PFKFB4: variants seen among roughly 807,000 people sequenced by gnomAD.
The protein encoded by PFKFB4 is 6-phosphofructo-2-kinase/fructose-2,6-bisphosphatase 4.
Under a neutral mutation model 62.8 loss-of-function variants are expected in PFKFB4, and 42 were observed. The observed-to-expected ratio is 0.67, with a 90% CI of 0.52 to 0.86. The LOEUF (loss-of-function observed/expected upper bound fraction) is 0.86, where lower values mean the gene tolerates loss of function less well. Among genes scored for constraint, PFKFB4 ranks in the 40% least tolerant of loss-of-function variants. The probability of loss-of-function intolerance (pLI) is 0.00; values close to 1 mark genes in which losing one functional copy is unlikely to be tolerated. For synonymous variants in PFKFB4, 204 were observed against 240.7 expected, an observed-to-expected ratio of 0.85 and a Z score of 1.41; for missense variants, 475 against 627.2, an observed-to-expected ratio of 0.76 and a Z score of 2.59.
At chr3:48,525,138 C>T (rs2042217035) in intron 10 of PFKFB4, among the ~76,000 whole-genome samples, 1 of 152,166 alleles carries the variant, frequency 6.6e-6, no homozygotes, top group Admixed American at 6.5e-5. Context: ...ATTTGAGCGC[C>T]CCGGAAAGGG....
At chr3:48,520,378 A>G (rs1014314038) in intron 13 of PFKFB4, among the ~76,000 whole-genome samples, 1 of 152,110 alleles carries the variant, frequency 6.6e-6, no homozygotes, top group African/African-American at 2.4e-5. Flanking sequence ...GGGCTCAGGG[A>G]GTCTCAGGCC....
intron 1 of PFKFB4, among the ~76,000 whole-genome samples, chr3:48,552,406 T>C (rs1181193201): frequency 6.6e-6 from 1 of 152,196 alleles, no homozygotes; most frequent in Non-Finnish European, 1.5e-5. Context: ...ATTCCCCTTG[T>C]TTAAAGGTGA....
chr3:48,531,630 TTTTTTTTTTAA>T (rs1560158280), intron 9 of PFKFB4, among the ~76,000 whole-genome samples: 2 of 147,318 alleles, frequency 1.4e-5, no homozygotes, highest in Non-Finnish European at 3.0e-5. Context: ...CAAAAAAAAA[TTTTTTTTTTAA>T]ATTTAGCTGG....
intron 12 of PFKFB4, among the ~76,000 whole-genome samples, chr3:48,522,832 C>G (rs569414655): frequency 4.7e-4 from 72 of 151,676 alleles, no homozygotes; most frequent in African/African-American, 1.7e-3. Flanking sequence ...GCGATCTCGG[C>G]TCACTGCAAG....
intron 5 of PFKFB4, 116 bp from the exon 6 acceptor site, chr3:48,539,426 C>T: frequency 2.1e-6 from 2 of 933,468 alleles, no homozygotes; most frequent in Non-Finnish European, 1.7e-6. Flanking sequence ...TGACAAGCAG[C>T]CAGGCCCTGA....
chr3:48,535,557 C>T lies in PFKFB4; in HGVS notation c.942G>A (p.Leu314=), dbSNP rs201391687. 3.7e-6 allele frequency: 6 copies of T among 1,614,032 alleles called. No individual in the cohort carries two copies. In the African/African-American group the frequency reaches 6.7e-5, roughly 18 times the overall value. ...MKRTIQTAEA[L]GVPYEQWKVL... is the part of the protein sequence containing the mutation. ...CCTTCCACTGTTCATAGGGCACACC[C>T]AGTGCCTCAGCCGTCTGGATTGTCC... Residue 314 remains leucine, a synonymous_variant, in exon 9 of 14, where the codon CTG becomes CTA. Transcript: ENST00000232375.
At position 48,522,125 on chromosome 3, in the gene PFKFB4, G is replaced by T. The variant is rs2042115380; in HGVS notation, c.1286-75C>A. The T allele has an allele frequency of 2.2e-6, 3 of 1,347,066 alleles. No individual in the cohort carries two copies. In the African/African-American group the frequency reaches 4.3e-5, roughly 19 times the overall value. The allele number at this position is 1,347,066 out of a possible 1,614,324, so 83.4% of individuals were successfully genotyped here. Reference sequence around the variant, plus strand: ...GCTGCAGATGCTAGAAACTTCTCTTGGAGGGGGGTCTGGGCGTGTGGAATG... The same window carrying T: ...GCTGCAGATGCTAGAAACTTCTCTTTGAGGGGGGTCTGGGCGTGTGGAATG... On this transcript the variant is annotated intron_variant, in intron 12 of 13. Coordinates refer to ENST00000232375, the MANE Select transcript of PFKFB4 (RefSeq NM_004567.4).
At chr3:48,533,766 A>G (rs1358021619) in intron 9 of PFKFB4, among the ~76,000 whole-genome samples, 1 of 152,318 alleles carries the variant, frequency 6.6e-6, no homozygotes, top group East Asian at 1.9e-4. Flanking sequence ...AGGCACAAGA[A>G]TCGCTTGAAC....
chr3:48,543,732 G>GAC, intron 3 of PFKFB4, 86 bp from the exon 4 acceptor site: 1 of 990,372 alleles, frequency 1.0e-6, no homozygotes, highest in South Asian at 1.4e-5. Flanking sequence ...GAGGAGACAT[G>GAC]ACAGGAGAAG....
intron 3 of PFKFB4, among the ~76,000 whole-genome samples, chr3:48,549,176 C>G (rs2043052138): frequency 6.6e-6 from 1 of 152,190 alleles, no homozygotes; most frequent in African/African-American, 2.4e-5. Context: ...GAAGAAAGGA[C>G]TCAGTTCAAG....
intron 7 of PFKFB4, chr3:48,536,668 G>A (rs2042628820): frequency 5.4e-6 from 3 of 557,458 alleles, no homozygotes; most frequent in Middle Eastern, 4.7e-4. Flanking sequence ...AAACCCTGTG[G>A]GAGACGGGAG....
At chr3:48,542,746 C>T (rs1328347343) in intron 4 of PFKFB4, among the ~76,000 whole-genome samples, 1 of 152,122 alleles carries the variant, frequency 6.6e-6, no homozygotes, top group Non-Finnish European at 1.5e-5. Flanking sequence ...AGCCATAAGA[C>T]ATCAGAGTGA....
intron 3 of PFKFB4, among the ~76,000 whole-genome samples, chr3:48,547,176 G>A (rs747417786): frequency 3.9e-5 from 6 of 152,158 alleles, no homozygotes; most frequent in African/African-American, 7.2e-5. Context: ...GAACATGTGC[G>A]CCTTCGTGTG....
rs765032084 is a variant in PFKFB4 at position 48,536,250 on chromosome 3, A to G, written c.840+6T>C. On this transcript the variant is annotated splice_donor_region_variant and intron_variant, in intron 8 of 13. Transcript: ENST00000232375. ...CGTGTGCGCACGCAGGGACACATGC[A>G]CTGACCTCCCTGCCCCGAGGGGACA... 2.5e-6 allele frequency: 4 copies of G among 1,611,812 alleles called. No individual in the cohort carries two copies. The highest frequency in any genetic ancestry group is 3.3e-5 in the Admixed American group (2 of 59,990).
upstream of PFKFB4, among the ~76,000 whole-genome samples, chr3:48,561,387 A>T (rs2043431982): frequency 6.6e-6 from 1 of 152,234 alleles, no homozygotes; most frequent in Non-Finnish European, 1.5e-5. The surrounding 1 kb of genome is among the most constrained non-coding windows in gnomAD (Gnocchi z 5.2). Flanking sequence ...ATGTCCACCT[A>T]GAGTTGTCTG....
At chr3:48,562,850 G>GC, upstream of PFKFB4, 1 of 1,587,268 alleles carries the variant, frequency 6.3e-7, no homozygotes, top group Non-Finnish European at 8.6e-7. The surrounding 1 kb of genome is among the most constrained non-coding windows in gnomAD (Gnocchi z 4.3). Context: ...GGCAGCCCTG[G>GC]CCCGGGCTTG....
At chr3:48,522,100 G>A in intron 12 of PFKFB4, 50 bp from the exon 13 acceptor site, 1 of 1,535,670 alleles carries the variant, frequency 6.5e-7, no homozygotes, top group Non-Finnish European at 9.0e-7. Context: ...AGGCAGCTGA[G>A]CTGCAGATGC....
intron 10 of PFKFB4, among the ~76,000 whole-genome samples, chr3:48,525,356 C>A (rs1192839514): frequency 6.6e-6 from 1 of 152,100 alleles, no homozygotes; most frequent in Non-Finnish European, 1.5e-5. Context: ...ATGGCACTGC[C>A]CACTCCACAC....
In PFKFB4 at chr3:48,556,657, T is replaced by C; in HGVS notation, c.97+24A>G. 2.0e-6 allele frequency: 2 copies of C among 1,016,070 alleles called. No homozygotes were observed. Among genetic ancestry groups the C allele is most frequent in the South Asian group, 1.3e-5 (1 of 76,798 alleles). 62.9% of individuals were successfully genotyped at this position (1,016,070 alleles called of 1,614,324 possible). A position where few individuals can be genotyped will look rare whatever the true frequency, so the allele number is the denominator to read the frequency against. On this transcript the variant is annotated intron_variant, in intron 1 of 13. Transcript: ENST00000232375. This position sits in a 1 kb window ranked among gnomAD's most constrained non-coding sequence, Gnocchi z 5.7. ...CACCCATCCCGGTGCACCTCCCACC[T>C]CCTCCCAGAGGACCCCGCCTCACCA... is the stretch of plus-strand genomic sequence containing the variant.
Sources: allele counts gnomAD v4.1 joint callset (sites outside exome capture counted in the v4.1 genomes callset), GRCh38; gene constraint gnomAD v4.1.1; non-coding constraint Gnocchi (gnomAD v3.1); transcripts MANE v1.5; gene names NCBI Gene and HGNC (gene_info 2026-07-23, HGNC 2026-07-21).